Variants in KIF9 observed in about 807,000 individuals in gnomAD.
The protein encoded by KIF9 is kinesin-like protein KIF9.
Under a neutral mutation model 94.8 loss-of-function variants are expected in KIF9, and 68 were observed. That is an observed-to-expected ratio of 0.72 (90% CI 0.59 to 0.88). KIF9 has a LOEUF of 0.88. Ranked by LOEUF, KIF9 falls within the 40% of genes least tolerant of loss-of-function variation. The pLI is 0.00. For missense variants in KIF9, 882 were observed against 982.5 expected, an observed-to-expected ratio of 0.90 and a Z score of 1.37; for synonymous variants, 343 against 362.1, an observed-to-expected ratio of 0.95 and a Z score of 0.60.
Position 47,265,735 on chromosome 3 carries a change from G to C in KIF9, c.911C>G (p.Ser304Trp). ...QCKLTHALKD[S>W]LGGNCNMVLV... ...CAGCAACTGTACCCCCTCACCTAAC[G>C]AGTCCTTCAGAGCGTGGGTGAGCTT... is the stretch of plus-strand genomic sequence containing the variant. The change falls in exon 8 of 21, where the codon TCG becomes TGG. Residue 304 changes from serine (S) to tryptophan (W), a missense_variant. By Grantham distance (177) the Ser-to-Trp change is radical. Transcript: ENST00000684063. The C allele has an allele frequency of 6.2e-7, 1 of 1,614,006 alleles. No individual in the cohort carries two copies. Among genetic ancestry groups the C allele is most frequent in the Non-Finnish European group, 8.5e-7 (1 of 1,179,936 alleles).
At chr3:47,250,199 T>G (rs1700181805) in intron 10 of KIF9, among the ~76,000 whole-genome samples, 1 of 152,210 alleles carries the variant, frequency 6.6e-6, no homozygotes. Context: ...GTTCCATATT[T>G]GTGCTGCCCG....
At chr3:47,262,981 C>T (rs1011914507) in intron 9 of KIF9, among the ~76,000 whole-genome samples, 2 of 152,172 alleles carry the variant, frequency 1.3e-5, no homozygotes, top group Non-Finnish European at 2.9e-5. Flanking sequence ...TCACTACAAC[C>T]TCTGCCTCCC....
chr3:47,248,669 C>T (rs954828037), intron 10 of KIF9, among the ~76,000 whole-genome samples: 3 of 151,814 alleles, frequency 2.0e-5, no homozygotes, highest in Non-Finnish European at 2.9e-5. Context: ...TCTCGAACTC[C>T]GGACCTCAGG....
Position 47,267,229 on chromosome 3 carries a change from A to G in KIF9, c.626T>C (p.Met209Thr), listed in dbSNP as rs759085055. The G allele has an allele frequency of 6.2e-7, 1 of 1,613,570 alleles. No individual in the cohort carries two copies. The highest frequency in any genetic ancestry group is 1.1e-5 in the South Asian group (1 of 91,044). The change falls in exon 6 of 21, where the codon ATG becomes ACG. Residue 209 changes from methionine to threonine, a missense_variant. Coordinates refer to ENST00000684063, the MANE Select transcript of KIF9 (RefSeq NM_182902.4). ...GTGTGATCTGGAAGAGTTTTTGTTCATAGTGTGGGAGGCTATAATCCTGTT... is the reference window on the plus strand; with the variant it reads ...GTGTGATCTGGAAGAGTTTTTGTTCGTAGTGTGGGAGGCTATAATCCTGTT... ...ETNRIIASHT[M>T]NKNSSRSHCI...
intron 4 of KIF9, among the ~76,000 whole-genome samples, chr3:47,272,986 C>T (rs1408544413): frequency 3.3e-5 from 5 of 152,216 alleles, no homozygotes; most frequent in African/African-American, 7.2e-5. Context: ...CTCCTACCTC[C>T]GACCAGAGGG....
Position 47,246,250 on chromosome 3 carries a change from T to A in KIF9, c.1236A>T (p.Ile412=), listed in dbSNP as rs1396469243. 1 of 1,609,986 alleles carries A rather than the reference T, an allele frequency of 6.2e-7. No homozygotes were observed. Among genetic ancestry groups the A allele is most frequent in the Non-Finnish European group, 8.5e-7 (1 of 1,177,886 alleles). ...YLEGTLDEID[I]ISLRQIKEVF... ...CCTCCTTGATCTGTCTAAGGCTGATTATCTGGAGGGAAGACAGCAAGGCAG... is the reference window on the plus strand; with the variant it reads ...CCTCCTTGATCTGTCTAAGGCTGATAATCTGGAGGGAAGACAGCAAGGCAG... Residue 412 remains isoleucine, a splice_region_variant and synonymous_variant, in exon 13 of 21, where the codon ATA becomes ATT. Coordinates refer to ENST00000684063, the MANE Select transcript of KIF9 (RefSeq NM_182902.4).
chr3:47,231,267 G>A (rs1416219242), intron 20 of KIF9, among the ~76,000 whole-genome samples: 6 of 152,166 alleles, frequency 3.9e-5, no homozygotes, highest in East Asian at 3.9e-4. Flanking sequence ...AGAAAAGAAC[G>A]TCTTCAACCT....
chr3:47,241,412 C>T (rs1699475267), intron 16 of KIF9, among the ~76,000 whole-genome samples: 1 of 151,776 alleles, frequency 6.6e-6, no homozygotes, highest in African/African-American at 2.4e-5. Flanking sequence ...ACCCCCACCT[C>T]CTAGGTTCAA....
intron 16 of KIF9, among the ~76,000 whole-genome samples, chr3:47,241,671 G>GTA (rs1247791818): frequency 6.7e-6 from 1 of 148,624 alleles, no homozygotes; most frequent in Non-Finnish European, 1.5e-5. Context: ...GTGTGTGTGT[G>GTA]TATATACATA....
chr3:47,246,252 T>C lies in KIF9; in HGVS notation c.1234A>G (p.Ile412Val). 3.1e-6 allele frequency: 5 copies of C among 1,611,120 alleles called. No homozygotes were observed. Among genetic ancestry groups the C allele is most frequent in the Non-Finnish European group, 4.2e-6 (5 of 1,178,446 alleles). Residue 412 changes from isoleucine (I) to valine (V), a missense_variant and splice_region_variant, in exon 13 of 21, where the codon ATA (isoleucine) becomes GTA (valine). By Grantham distance (29) the Ile-to-Val change is conservative. Transcript: ENST00000684063. The stretch of plus-strand genomic sequence containing the variant: ...TCCTTGATCTGTCTAAGGCTGATTA[T>C]CTGGAGGGAAGACAGCAAGGCAGAG... ...YLEGTLDEID[I>V]ISLRQIKEVF... is the part of the protein sequence containing the mutation.
At position 47,228,614 on chromosome 3, in the gene KIF9, T is replaced by A. The variant is rs1332004515; in HGVS notation, c.*38A>T. 19 of 1,555,950 alleles carry A rather than the reference T, an allele frequency of 1.2e-5. No homozygotes were observed. The highest frequency in any genetic ancestry group is 1.6e-5 in the Non-Finnish European group (18 of 1,127,316). On this transcript the variant is annotated 3_prime_UTR_variant, in exon 21 of 21. Transcript: ENST00000684063. The stretch of plus-strand genomic sequence containing the variant: ...GCAGCTCCACTACAGTAGGTGGGAG[T>A]TGCTGGTCTTGTCCTTTAAGGTACT...
intron 17 of KIF9, among the ~76,000 whole-genome samples, chr3:47,238,774 G>C (rs554220389): frequency 4.5e-4 from 69 of 152,134 alleles, no homozygotes; most frequent in African/African-American, 1.6e-3. Flanking sequence ...CCATTCTCCT[G>C]CCTCAGCCTC....
chr3:47,239,148 C>T (rs1449677821), intron 17 of KIF9, among the ~76,000 whole-genome samples: 4 of 152,040 alleles, frequency 2.6e-5, no homozygotes, highest in African/African-American at 9.7e-5. Context: ...TGCAGTGAGC[C>T]GGGATCATGC....
chr3:47,272,765 G>A (rs183265235), intron 4 of KIF9, among the ~76,000 whole-genome samples: 42 of 152,246 alleles, frequency 2.8e-4, no homozygotes, highest in African/African-American at 9.9e-4. Flanking sequence ...TTCTATTAGT[G>A]GCACTGGGCT....
intron 5 of KIF9, among the ~76,000 whole-genome samples, chr3:47,269,065 C>T (rs114081219): frequency 1.3e-3 from 198 of 152,088 alleles, no homozygotes; most frequent in African/African-American, 4.6e-3. Context: ...TGAGACACCG[C>T]GCCTGGCCTT....
At chr3:47,264,160 C>A in intron 9 of KIF9, 126 bp downstream of exon 9, 1 of 754,280 alleles carries the variant, frequency 1.3e-6, no homozygotes, top group Non-Finnish European at 2.4e-6. Flanking sequence ...AGACTCACCC[C>A]TGGATCCTTC....
intron 1 of KIF9, among the ~76,000 whole-genome samples, chr3:47,279,341 G>C (rs1422686114): frequency 6.6e-6 from 1 of 151,460 alleles, no homozygotes; most frequent in Non-Finnish European, 1.5e-5. Context: ...GCTGGGTGTA[G>C]TGGCAAGCGC....
intron 17 of KIF9, 77 bp from the exon 18 acceptor site, chr3:47,236,696 G>A (rs1271562352): frequency 7.4e-7 from 1 of 1,347,570 alleles, no homozygotes; most frequent in Admixed American, 1.8e-5. Context: ...TCCAGAAGGT[G>A]GGCACAGAGC....
intron 13 of KIF9, 81 bp downstream of exon 13, chr3:47,246,116 T>G: frequency 8.0e-7 from 1 of 1,248,304 alleles, no homozygotes; most frequent in Admixed American, 1.8e-5. Context: ...GAAGAGGAGC[T>G]CTTGGAGGCA....
Sources: allele counts gnomAD v4.1 joint callset (sites outside exome capture counted in the v4.1 genomes callset), GRCh38; gene constraint gnomAD v4.1.1; transcripts MANE v1.5; gene names NCBI Gene and HGNC (gene_info 2026-07-23, HGNC 2026-07-21).